Variants in CACNB2 observed in about 807,000 individuals in gnomAD.
CACNB2 encodes voltage-dependent L-type calcium channel subunit beta-2.
In CACNB2, 42 loss-of-function variants were observed where a neutral mutation model predicts 73.3. The observed-to-expected ratio is 0.57, with a 90% CI of 0.45 to 0.74. The LOEUF is 0.74. Among genes scored for constraint, CACNB2 ranks in the 30% least tolerant of loss-of-function variants. CACNB2 has a pLI of 0.00. For missense variants in CACNB2, 940 were observed against 853.0 expected, an observed-to-expected ratio of 1.10 and a Z score of -1.27; for synonymous variants, 348 against 310.3, an observed-to-expected ratio of 1.12 and a Z score of -1.28.
intron 2 of CACNB2, among the ~76,000 whole-genome samples, chr10:18,224,745 C>T (rs1245434771): frequency 6.6e-6 from 1 of 152,188 alleles, no homozygotes; most frequent in Non-Finnish European, 1.5e-5. Flanking sequence ...TAGAATCACT[C>T]TTTCAAGGTA....
At chr10:18,325,693 T>TCCCTTCCTC (rs1564438217) in intron 2 of CACNB2, among the ~76,000 whole-genome samples, 60 of 69,086 alleles carry the variant, frequency 8.7e-4, no homozygotes, top group African/African-American at 4.3e-3. Context: ...CTCCCTCCCT[T>TCCCTTCCTC]CCTTCCTTCC....
chr10:18,373,967 A>G (rs1280919649), intron 2 of CACNB2, among the ~76,000 whole-genome samples: 1 of 152,248 alleles, frequency 6.6e-6, no homozygotes, highest in African/African-American at 2.4e-5. Flanking sequence ...GCAAATGTAA[A>G]CAAAATAAAT....
At chr10:18,368,028 A>C (rs2042427401) in intron 2 of CACNB2, among the ~76,000 whole-genome samples, 1 of 152,180 alleles carries the variant, frequency 6.6e-6, no homozygotes, top group Non-Finnish European at 1.5e-5. Context: ...GGTACAGTAG[A>C]ATGAGATTAT....
chr10:18,429,820 A>AC (rs1564538407), intron 3 of CACNB2, among the ~76,000 whole-genome samples: 1 of 149,396 alleles, frequency 6.7e-6, no homozygotes. Flanking sequence ...AAAAAAAAAA[A>AC]AAAAAACAAA....
At chr10:18,382,898 T>A (rs1332660319) in intron 2 of CACNB2, among the ~76,000 whole-genome samples, 1 of 152,220 alleles carries the variant, frequency 6.6e-6, no homozygotes, top group Non-Finnish European at 1.5e-5. Context: ...CCTTTGGGTA[T>A]ATACCCAGTA....
At chr10:18,241,208 T>G (rs1334898058) in intron 2 of CACNB2, among the ~76,000 whole-genome samples, 1 of 152,166 alleles carries the variant, frequency 6.6e-6, no homozygotes, top group East Asian at 1.9e-4. Context: ...TGACCCCACC[T>G]TGGGCACATG....
intron 2 of CACNB2, among the ~76,000 whole-genome samples, chr10:18,241,270 C>A (rs2036639182): frequency 6.6e-6 from 1 of 152,100 alleles, no homozygotes; most frequent in East Asian, 1.9e-4. Flanking sequence ...TAACTTTGGC[C>A]AAATAAACTT....
chr10:18,510,450 C>T lies in CACNB2; in HGVS notation c.671-3786C>T, dbSNP rs192603555. ...CCCAAGTAGCTGGGATTACAGGCAC[C>T]GGCCACCACACCTGGCTAATCTTTG... On this transcript the variant is annotated intron_variant, in intron 6 of 13. Transcript: ENST00000324631. 2.8e-3 allele frequency among the ~76,000 whole-genome samples: 427 copies of T among 152,134 alleles called. 5 individuals carry two copies. The Middle Eastern group carries it at 0.086, about 31-fold the overall frequency.
At chr10:18,411,461 A>G (rs190779816) in intron 3 of CACNB2, among the ~76,000 whole-genome samples, 4 of 151,300 alleles carry the variant, frequency 2.6e-5, no homozygotes, top group South Asian at 2.1e-4. Context: ...ATTATAGACA[A>G]TTTGAAAGAT....
chr10:18,292,939 C>T (rs1459622619), intron 2 of CACNB2, among the ~76,000 whole-genome samples: 1 of 152,142 alleles, frequency 6.6e-6, no homozygotes, highest in Non-Finnish European at 1.5e-5. Context: ...ATTAGATCAT[C>T]ATTATGGTTT....
At chr10:18,187,754 G>A (rs987739234) in intron 2 of CACNB2, among the ~76,000 whole-genome samples, 9 of 152,250 alleles carry the variant, frequency 5.9e-5, no homozygotes, top group Admixed American at 2.0e-4. Flanking sequence ...TTAACGTGGT[G>A]CATCATCTTT....
intron 10 of CACNB2, chr10:18,533,376 G>T (rs1254016232): frequency 6.6e-6 from 1 of 152,134 alleles, no homozygotes; most frequent in Non-Finnish European, 1.5e-5. Context: ...TCCGGTTTTT[G>T]AGTCTTTGGA....
intron 2 of CACNB2, among the ~76,000 whole-genome samples, chr10:18,385,656 A>AAG (rs1344525045): frequency 1.3e-5 from 2 of 151,800 alleles, no homozygotes; most frequent in African/African-American, 4.8e-5. Context: ...AAAAAAAAAA[A>AAG]AAAAATTTAT....
intron 7 of CACNB2, among the ~76,000 whole-genome samples, chr10:18,517,153 A>G (rs2051364266): frequency 6.6e-6 from 1 of 152,172 alleles, no homozygotes; most frequent in African/African-American, 2.4e-5. Flanking sequence ...GAATTCTTAA[A>G]ATCATTTACA....
In CACNB2 at chr10:18,541,877, A is replaced by C. The variant is rs1460629419; in HGVS notation, c.*2153A>C. 2 of 151,900 alleles carry C rather than the reference A, an allele frequency of 1.3e-5. No individual in the cohort carries two copies. The highest frequency in any genetic ancestry group is 2.9e-5 in the Non-Finnish European group (2 of 67,984). The allele number at this position is 151,900 out of a possible 1,614,324, so 9.4% of individuals were successfully genotyped here. On this transcript the variant is annotated 3_prime_UTR_variant, in exon 14 of 14. Coordinates refer to ENST00000324631, the MANE Select transcript of CACNB2 (RefSeq NM_201596.3). ...ACTCCATCTCCAAAAAAGAAAAAAA[A>C]ACAAAAAACAAAAAAAACTATCCAG...
intron 5 of CACNB2, 93 bp from the exon 6 acceptor site, chr10:18,506,378 A>G: frequency 1.3e-6 from 1 of 751,756 alleles, no homozygotes; most frequent in South Asian, 1.5e-5. Flanking sequence ...AAAGTTGAAT[A>G]AAACCATAAT....
intron 2 of CACNB2, among the ~76,000 whole-genome samples, chr10:18,242,186 A>T (rs2036683034): frequency 6.6e-6 from 1 of 151,734 alleles, no homozygotes; most frequent in Non-Finnish European, 1.5e-5. Context: ...TATAAATTGA[A>T]CTCTCAACTG....
intron 9 of CACNB2, among the ~76,000 whole-genome samples, chr10:18,524,806 C>T (rs1030251399): frequency 4.0e-5 from 6 of 150,786 alleles, no homozygotes; most frequent in Non-Finnish European, 8.9e-5. Context: ...AGGAGGACTG[C>T]TTGAGCTCAG....
chr10:18,272,686 C>T (rs978967793), intron 2 of CACNB2, among the ~76,000 whole-genome samples: 1 of 152,136 alleles, frequency 6.6e-6, no homozygotes, highest in Non-Finnish European at 1.5e-5. Context: ...AGGGGAGTTC[C>T]CCTGCACAAG....
Sources: gnomAD v4.1 joint callset for allele counts (sites outside exome capture counted in the v4.1 genomes callset) on GRCh38, gnomAD v4.1.1 for gene constraint, MANE v1.5 for transcripts, NCBI Gene and HGNC (gene_info 2026-07-23, HGNC 2026-07-21) for gene names.